Variants in ESR1 observed in about 807,000 individuals in gnomAD.
ESR1 encodes the protein estrogen receptor.
In ESR1, 12 loss-of-function variants were observed where a neutral mutation model predicts 52.7. That is an observed-to-expected ratio of 0.23 (90% CI 0.15 to 0.37). ESR1 has a LOEUF of 0.37. ESR1 is among the 10% of genes least tolerant of loss of function. The pLI is 1.00. For missense variants in ESR1, 584 were observed against 779.7 expected (o/e 0.75, Z 2.99); for synonymous variants, 305 against 316.8 (o/e 0.96, Z 0.39).
chr6:151,678,346 G>A (rs1285633063), intron 1 of ESR1, among the ~76,000 whole-genome samples: 3 of 151,846 alleles, frequency 2.0e-5, no homozygotes, highest in Non-Finnish European at 2.9e-5. Context: ...GGTGGTACAC[G>A]CCTATAATCC....
chr6:151,933,932 T>C (rs888978687), intron 3 of ESR1, among the ~76,000 whole-genome samples: 5 of 152,212 alleles, frequency 3.3e-5, no homozygotes, highest in Non-Finnish European at 5.9e-5. Context: ...TAACTTTTGA[T>C]CTTTGAGTTC....
In ESR1 at chr6:152,093,253, C is replaced by T. The variant is rs568594661; in HGVS notation, c.1370-1132C>T. Among the ~76,000 whole-genome samples the T allele has an allele frequency of 2.3e-4, 34 of 147,860 alleles. 1 individual carries two copies. The South Asian group carries it at 2.4e-3, about 10-fold the overall frequency. The stretch of plus-strand genomic sequence containing the variant: ...ATGTGCCACTGCACTCCAGCCTGGG[C>T]GGCAGAGTGAGACTCTGTCTCAAAA... On this transcript the variant is annotated intron_variant, in intron 6 of 7. Coordinates refer to ENST00000206249, the MANE Select transcript of ESR1 (RefSeq NM_000125.4).
At position 151,982,674 on chromosome 6, in the gene ESR1, CG is replaced by C. The variant is rs546747695; in HGVS notation, c.1097-28978del. 2.0e-3 allele frequency among the ~76,000 whole-genome samples: 308 copies of C among 151,592 alleles called. 2 individuals are homozygous for C. The highest frequency in any genetic ancestry group is 3.6e-3 in the Admixed American group (55 of 15,242). On this transcript the variant is annotated intron_variant, in intron 4 of 7. Coordinates refer to ENST00000206249, the MANE Select transcript of ESR1 (RefSeq NM_000125.4). ...TAATTTTTTGTATTTTTAGTAGAGA[CG>C]GGGTTTCACCGTGTTATCCAGGATG...
chr6:151,753,376 G>C (rs146450337), intron 2 of ESR1, among the ~76,000 whole-genome samples: 1 of 150,242 alleles, frequency 6.7e-6, no homozygotes, highest in Non-Finnish European at 1.5e-5. Flanking sequence ...GGAGTGCAGT[G>C]GCGTGATCTT....
chr6:151,845,742 A>G (rs1218813538), intron 2 of ESR1, among the ~76,000 whole-genome samples: 2 of 152,222 alleles, frequency 1.3e-5, no homozygotes, highest in Non-Finnish European at 2.9e-5. Flanking sequence ...TTAGGCTTTT[A>G]AAATGGGATA....
chr6:151,726,381 G>C (rs923912921), intron 2 of ESR1, among the ~76,000 whole-genome samples: 5 of 151,828 alleles, frequency 3.3e-5, no homozygotes, highest in Non-Finnish European at 5.9e-5. Context: ...GCCCAGGCTG[G>C]AGTGCAGTGG....
chr6:151,741,412 A>G (rs1037805523), intron 2 of ESR1, among the ~76,000 whole-genome samples: 2 of 152,164 alleles, frequency 1.3e-5, no homozygotes, highest in African/African-American at 4.8e-5. Context: ...AGGGCAGAGT[A>G]TGAGTATTTT....
chr6:152,081,463 C>T (rs1038439866), intron 6 of ESR1, among the ~76,000 whole-genome samples: 2 of 151,810 alleles, frequency 1.3e-5, no homozygotes, highest in Admixed American at 1.3e-4. Flanking sequence ...ATTTCTGGGA[C>T]ACATTTAAAG....
At chr6:151,669,147 G>GGAGAGAGAGAGGGAGAGA (rs1777934289) in intron 1 of ESR1, among the ~76,000 whole-genome samples, 1 of 69,272 alleles carries the variant, frequency 1.4e-5, no homozygotes, top group Admixed American at 1.8e-4. Flanking sequence ...TTGGGAGCTG[G>GGAGAGAGAGAGGGAGAGA]GAGAGAGAGA....
At chr6:151,906,770 T>C (rs767436427) in intron 3 of ESR1, among the ~76,000 whole-genome samples, 2 of 150,034 alleles carry the variant, frequency 1.3e-5, no homozygotes, top group African/African-American at 4.9e-5. Flanking sequence ...TTGTGGAATT[T>C]ATCGTATTTT....
At chr6:151,844,815 A>G (rs1008375069) in intron 2 of ESR1, among the ~76,000 whole-genome samples, 2 of 152,328 alleles carry the variant, frequency 1.3e-5, no homozygotes, top group African/African-American at 2.4e-5. Flanking sequence ...ATAAAAAAAA[A>G]GTGTAAGACA....
At chr6:151,964,143 G>C (rs1484357153) in intron 4 of ESR1, among the ~76,000 whole-genome samples, 8 of 151,968 alleles carry the variant, frequency 5.3e-5, no homozygotes, top group Admixed American at 5.2e-4. Flanking sequence ...AGATTGTTTT[G>C]GTTAATTGGG....
chr6:151,747,708 C>T (rs1008654497), intron 2 of ESR1, among the ~76,000 whole-genome samples: 20 of 152,168 alleles, frequency 1.3e-4, no homozygotes, highest in African/African-American at 3.6e-4. Flanking sequence ...TAATTTTGAA[C>T]ATTTTATATA....
intron 4 of ESR1, among the ~76,000 whole-genome samples, chr6:151,956,857 T>TAC (rs1562594295): frequency 1.2e-5 from 1 of 81,630 alleles, no homozygotes; most frequent in African/African-American, 3.4e-5. Context: ...TATATATATA[T>TAC]ATATAAATAT....
intron 3 of ESR1, among the ~76,000 whole-genome samples, chr6:151,930,050 C>CT (rs1186025107): frequency 6.6e-6 from 1 of 150,774 alleles, no homozygotes; most frequent in African/African-American, 2.4e-5. Flanking sequence ...ATGGTGCGAT[C>CT]TTGGCTTACC....
At position 151,703,744 on chromosome 6, in the gene ESR1, C is replaced by T. The variant is rs144753097; in HGVS notation, c.-71+1739C>T. 4.6e-5 allele frequency among the ~76,000 whole-genome samples: 7 copies of T among 152,282 alleles called. No homozygotes were observed. The South Asian group carries it at 1.0e-3, about 23-fold the overall frequency. ...AGTCACTGGGGGTATGGATCTCATA[C>T]CATTTTCAGCATATACCTCCCTTTC... On this transcript the variant is annotated intron_variant, in intron 2 of 2. Coordinates refer to the ESR1 transcript ENST00000404742.
At position 152,061,703 on chromosome 6, in the gene ESR1, T is replaced by C. The variant is rs1281078164; in HGVS notation, c.1369+579T>C. Among the ~76,000 whole-genome samples the C allele has an allele frequency of 6.6e-6, 1 of 152,250 alleles. No homozygotes were observed. Among genetic ancestry groups the C allele is most frequent in the Non-Finnish European group, 1.5e-5 (1 of 68,040 alleles). On this transcript the variant is annotated intron_variant, in intron 6 of 7. Coordinates refer to ENST00000206249, the MANE Select transcript of ESR1 (RefSeq NM_000125.4). This position sits in a 1 kb window ranked among gnomAD's most constrained non-coding sequence, Gnocchi z 4.3. The stretch of plus-strand genomic sequence containing the variant: ...TCTACTGCCCCTTCGTATTTATTTG[T>C]TTGAGAAAGCTTAGCTAAGAGCAAC...
chr6:151,894,510 A>G (rs1795170189), intron 3 of ESR1, among the ~76,000 whole-genome samples: 2 of 152,032 alleles, frequency 1.3e-5, no homozygotes, highest in South Asian at 2.1e-4. Flanking sequence ...CTAGAATTTT[A>G]TGGTTCCAGG....
At chr6:152,093,542 G>T (rs1006614978) in intron 6 of ESR1, among the ~76,000 whole-genome samples, 4 of 152,040 alleles carry the variant, frequency 2.6e-5, no homozygotes, top group Non-Finnish European at 4.4e-5. Context: ...CTCAGAAATA[G>T]GCTCTTATTT....
Sources: gnomAD v4.1 joint callset for allele counts (sites outside exome capture counted in the v4.1 genomes callset) on GRCh38, gnomAD v4.1.1 for gene constraint, Gnocchi (gnomAD v3.1) non-coding constraint, MANE v1.5 for transcripts, NCBI Gene and HGNC (gene_info 2026-07-23, HGNC 2026-07-21) for gene names.